Variants in JAKMIP2 observed in about 807,000 individuals in gnomAD.
JAKMIP2 encodes the protein janus kinase and microtubule-interacting protein 2.
Under a neutral mutation model 115.0 loss-of-function variants are expected in JAKMIP2, and 25 were observed. The observed-to-expected ratio is 0.22, with a 90% CI of 0.16 to 0.30. The LOEUF is 0.30. Among genes scored for constraint, JAKMIP2 ranks in the 10% least tolerant of loss-of-function variants. The pLI is 1.00. For synonymous variants in JAKMIP2, 334 were observed against 343.6 expected (o/e 0.97, Z 0.31); for missense variants, 642 against 957.6 (o/e 0.67, Z 4.35).
chr5:147,739,917 T>G (rs572152101), intron 1 of JAKMIP2, among the ~76,000 whole-genome samples: 216 of 152,270 alleles, frequency 1.4e-3, no homozygotes, highest in African/African-American at 5.0e-3. Context: ...CCACCTAGGG[T>G]CATAGAAAGA....
At chr5:147,642,761 G>T (rs1334268882) in intron 7 of JAKMIP2, among the ~76,000 whole-genome samples, 2 of 151,636 alleles carry the variant, frequency 1.3e-5, no homozygotes, top group African/African-American at 4.8e-5. Flanking sequence ...GTGTCAATTT[G>T]ATTGGATTGA....
intron 11 of JAKMIP2, 47 bp downstream of exon 11, chr5:147,636,918 G>C (rs1757640346): frequency 1.1e-6 from 1 of 871,330 alleles, no homozygotes; most frequent in South Asian, 1.3e-5. Context: ...AGGAAGGTCA[G>C]ATTGAATTGT....
intron 1 of JAKMIP2, among the ~76,000 whole-genome samples, chr5:147,743,977 CCCTTCCTTCCTTCCTAACTTCTTT>C (rs1754246105): frequency 1.4e-5 from 2 of 145,092 alleles, no homozygotes; most frequent in Admixed American, 1.4e-4. Context: ...CCTTCTCCCT[CCCTTCCTTCCTTCCTAACTTCTTT>C]CCTTCCTTCC....
intron 21 of JAKMIP2, among the ~76,000 whole-genome samples, chr5:147,601,378 C>T (rs923756796): frequency 6.6e-6 from 1 of 152,022 alleles, no homozygotes; most frequent in Non-Finnish European, 1.5e-5. Flanking sequence ...ATTGCTTGAG[C>T]TCTGAAGTTC....
chr5:147,729,434 T>G (rs940109697), intron 1 of JAKMIP2, among the ~76,000 whole-genome samples: 2 of 152,040 alleles, frequency 1.3e-5, no homozygotes, highest in African/African-American at 4.8e-5. Flanking sequence ...CTCTAAACCA[T>G]TATAATTTCA....
chr5:147,720,272 GC>G (rs774024334), intron 1 of JAKMIP2, among the ~76,000 whole-genome samples: 1 of 151,806 alleles, frequency 6.6e-6, no homozygotes, highest in Non-Finnish European at 1.5e-5. Flanking sequence ...CTCTCTGGCT[GC>G]CCTTAACATT....
At chr5:147,650,100 A>G (rs1357868842) in intron 4 of JAKMIP2, among the ~76,000 whole-genome samples, 1 of 152,208 alleles carries the variant, frequency 6.6e-6, no homozygotes, top group Admixed American at 6.5e-5. Flanking sequence ...GCCTGGCTAG[A>G]AAAATTCTAG....
intron 1 of JAKMIP2, among the ~76,000 whole-genome samples, chr5:147,672,542 G>A (rs191856451): frequency 6.6e-6 from 1 of 152,200 alleles, no homozygotes; most frequent in African/African-American, 2.4e-5. Flanking sequence ...AAATAAGTCA[G>A]CCTTCCAATG....
At chr5:147,763,536 A>C (rs1755008022) in intron 1 of JAKMIP2, among the ~76,000 whole-genome samples, 2 of 152,092 alleles carry the variant, frequency 1.3e-5, no homozygotes, top group East Asian at 1.9e-4. Flanking sequence ...CATTGCAGGA[A>C]ATTAAATATG....
intron 1 of JAKMIP2, among the ~76,000 whole-genome samples, chr5:147,687,290 G>A (rs576288506): frequency 6.6e-6 from 1 of 152,270 alleles, no homozygotes; most frequent in South Asian, 2.1e-4. Context: ...AGCCTTGAAC[G>A]TATGATTTAT....
At chr5:147,683,121 T>C (rs555954629) in intron 1 of JAKMIP2, among the ~76,000 whole-genome samples, 25 of 152,308 alleles carry the variant, frequency 1.6e-4, no homozygotes, top group Non-Finnish European at 3.4e-4. Context: ...GTATTCAAGG[T>C]CAGGCAGAGC....
At position 147,660,987 on chromosome 5, in the gene JAKMIP2, C is replaced by T. The variant is rs146240728; in HGVS notation, c.588G>A (p.Ser196=). 5 of 1,613,984 alleles carry T rather than the reference C, an allele frequency of 3.1e-6. No individual in the cohort carries two copies. In the South Asian group the frequency reaches 5.5e-5, roughly 18 times the overall value. Residue 196 remains serine (S), a synonymous_variant, in exon 3 of 22, where the codon TCG becomes TCA. Transcript: ENST00000616793. ...SEHQSHQEAI[S]KIKWESERDI... The stretch of plus-strand genomic sequence containing the variant: ...CCCGCTCCGACTCCCACTTGATCTT[C>T]GAGATGGCTTCTTGGTGGGACTGAT...
intron 15 of JAKMIP2, among the ~76,000 whole-genome samples, 183 bp from the exon 16 acceptor site, chr5:147,628,999 A>C (rs1757237222): frequency 6.6e-6 from 1 of 152,210 alleles, no homozygotes; most frequent in Non-Finnish European, 1.5e-5. Flanking sequence ...GAAGTATATT[A>C]AACGTGATTT....
chr5:147,640,440 G>C (rs1277089206), intron 9 of JAKMIP2, among the ~76,000 whole-genome samples: 1 of 152,136 alleles, frequency 6.6e-6, no homozygotes, highest in Non-Finnish European at 1.5e-5. Context: ...CCTAGATAAA[G>C]AATATTGGAA....
At chr5:147,616,702 C>T (rs1422174333) in intron 19 of JAKMIP2, among the ~76,000 whole-genome samples, 1 of 152,110 alleles carries the variant, frequency 6.6e-6, no homozygotes, top group Non-Finnish European at 1.5e-5. Flanking sequence ...GAAGTCTTTC[C>T]ATGGGTCAAA....
intron 5 of JAKMIP2, among the ~76,000 whole-genome samples, chr5:147,648,062 G>A (rs1396225568): frequency 2.0e-5 from 3 of 152,116 alleles, no homozygotes; most frequent in Admixed American, 1.3e-4. Context: ...AGAAAATATT[G>A]TATGATTTCA....
At chr5:147,751,454 T>C (rs1220524781) in intron 1 of JAKMIP2, among the ~76,000 whole-genome samples, 1 of 152,062 alleles carries the variant, frequency 6.6e-6, no homozygotes, top group Non-Finnish European at 1.5e-5. Context: ...GTGGTGTGTT[T>C]GGGAGATGTA....
chr5:147,701,479 G>C (rs1348534540), intron 1 of JAKMIP2, among the ~76,000 whole-genome samples: 3 of 152,132 alleles, frequency 2.0e-5, no homozygotes, highest in Non-Finnish European at 4.4e-5. Flanking sequence ...ACAGTATTAA[G>C]AGGAGGGGCC....
chr5:147,632,799 G>C, intron 12 of JAKMIP2, 21 bp from the exon 13 acceptor site: 1 of 1,512,196 alleles, frequency 6.6e-7, no homozygotes, highest in Non-Finnish European at 9.2e-7. Flanking sequence ...AAATCCTGAA[G>C]TTAGGTAAGC....
Sources: allele counts gnomAD v4.1 joint callset (sites outside exome capture counted in the v4.1 genomes callset), GRCh38; gene constraint gnomAD v4.1.1; transcripts MANE v1.5; gene names NCBI Gene and HGNC (gene_info 2026-07-23, HGNC 2026-07-21).